CPLX4: variants seen among roughly 807,000 people sequenced by gnomAD.
The protein encoded by CPLX4 is complexin 4, also known as complexin-4.
A neutral mutation model predicts 16.1 loss-of-function variants in CPLX4; 17 were observed. That is an observed-to-expected ratio of 1.06 (90% CI 0.72 to 1.59). CPLX4 has a LOEUF of 1.59. Among genes scored for constraint, CPLX4 ranks in the 40% most tolerant of loss-of-function variants. The pLI is 0.00. For synonymous variants in CPLX4, 55 were observed against 57.8 expected (o/e 0.95, Z 0.22); for missense variants, 193 against 192.9 (o/e 1.00, Z 0.00).
intron 2 of CPLX4, among the ~76,000 whole-genome samples, chr18:59,309,316 C>T (rs2070599479): frequency 6.6e-6 from 1 of 152,164 alleles, no homozygotes; most frequent in Non-Finnish European, 1.5e-5. Context: ...GGGGTCCCCA[C>T]CTGGAAGTAA....
intron 2 of CPLX4, among the ~76,000 whole-genome samples, chr18:59,312,423 T>C (rs921497416): frequency 5.0e-5 from 7 of 139,822 alleles, no homozygotes; most frequent in Non-Finnish European, 9.4e-5. Flanking sequence ...ATATATATCC[T>C]GAATATGTGT....
chr18:59,301,238 G>A (rs1252517600), intron 2 of CPLX4, among the ~76,000 whole-genome samples: 1 of 152,246 alleles, frequency 6.6e-6, no homozygotes, highest in African/African-American at 2.4e-5. Context: ...CTACAAGAGG[G>A]GTGTGGGCTC....
intron 2 of CPLX4, among the ~76,000 whole-genome samples, chr18:59,306,864 CATT>C (rs1377701727): frequency 6.6e-6 from 1 of 152,174 alleles, no homozygotes; most frequent in Non-Finnish European, 1.5e-5. Flanking sequence ...GGTCATCCCT[CATT>C]AGCTGGAGGA....
intron 2 of CPLX4, among the ~76,000 whole-genome samples, chr18:59,310,819 C>G (rs1339530305): frequency 6.6e-6 from 1 of 151,912 alleles, no homozygotes; most frequent in Non-Finnish European, 1.5e-5. Context: ...TTTTAAAAAC[C>G]ATGTGATATT....
At chr18:59,298,209 C>G (rs2070516224) in intron 2 of CPLX4, among the ~76,000 whole-genome samples, 1 of 152,082 alleles carries the variant, frequency 6.6e-6, no homozygotes, top group African/African-American at 2.4e-5. Flanking sequence ...TCCACCTCAG[C>G]CTTCCAAGTA....
In CPLX4 at chr18:59,318,285, C is replaced by G; in HGVS notation, c.167+11G>C. 1 of 1,595,134 alleles carries G rather than the reference C, an allele frequency of 6.3e-7. No homozygotes were observed. The highest frequency in any genetic ancestry group is 8.5e-7 in the Non-Finnish European group (1 of 1,171,030). ...TTGCTTTTTAAGGGAAATGAAATAG[C>G]ATGTACTCACTTCTCCTCAATCATT... On this transcript the variant is annotated intron_variant, in intron 1 of 2. Coordinates refer to ENST00000299721, the MANE Select transcript of CPLX4 (RefSeq NM_181654.4).
intron 1 of CPLX4, among the ~76,000 whole-genome samples, chr18:59,315,150 G>A (rs2070643767): frequency 6.6e-6 from 1 of 152,136 alleles, no homozygotes; most frequent in South Asian, 2.1e-4. Context: ...TGAAACAAGA[G>A]TTCTAGTGGT....
chr18:59,312,638 A>G, intron 2 of CPLX4, 47 bp downstream of exon 2: 1 of 827,426 alleles, frequency 1.2e-6, no homozygotes, highest in Non-Finnish European at 2.1e-6. Flanking sequence ...ATGACTTCCC[A>G]TTTATCATTA....
chr18:59,299,999 C>T (rs940665502), intron 2 of CPLX4, among the ~76,000 whole-genome samples: 2 of 152,304 alleles, frequency 1.3e-5, no homozygotes, highest in Admixed American at 6.5e-5. Flanking sequence ...TGTCTCATAA[C>T]CCAGCAAGGT....
At chr18:59,298,907 A>G (rs1299454210) in intron 2 of CPLX4, among the ~76,000 whole-genome samples, 1 of 152,144 alleles carries the variant, frequency 6.6e-6, no homozygotes, top group Non-Finnish European at 1.5e-5. Flanking sequence ...AGTCTGGCTC[A>G]AGAAATAGCT....
intron 2 of CPLX4, among the ~76,000 whole-genome samples, chr18:59,300,170 A>T (rs940731747): frequency 6.6e-6 from 1 of 152,054 alleles, no homozygotes; most frequent in Non-Finnish European, 1.5e-5. Context: ...CGTCTCTACT[A>T]AAAATGCAAA....
At chr18:59,309,843 GA>G (rs77476914) in intron 2 of CPLX4, among the ~76,000 whole-genome samples, 36,094 of 120,878 alleles carry the variant, frequency 0.3, 5,111 homozygotes, top group Middle Eastern at 0.39. Flanking sequence ...AAAAAAAAAA[GA>G]AAAAGAAAAA....
rs34214777 is a variant in CPLX4, at chr18:59,302,420, GTGAA to G, written c.256-5499_256-5496del. 9.8e-5 allele frequency among the ~76,000 whole-genome samples: 15 copies of G among 152,324 alleles called. No individual in the cohort carries two copies. In the East Asian group the frequency reaches 2.9e-3, roughly 29 times the overall value. ...AAGGCTCAAGGATGAGAACCGTGGCGTGAATGAATGAATGAGTGAGCCAGCACAT... is the reference window on the plus strand; with the variant it reads ...AAGGCTCAAGGATGAGAACCGTGGCGTGAATGAATGAGTGAGCCAGCACAT... On this transcript the variant is annotated intron_variant, in intron 2 of 2. Transcript: ENST00000299721.
At chr18:59,311,591 G>T (rs571238187) in intron 2 of CPLX4, among the ~76,000 whole-genome samples, 12 of 152,112 alleles carry the variant, frequency 7.9e-5, no homozygotes, top group Non-Finnish European at 1.8e-4. Context: ...CCCTTTGGAG[G>T]GATCTTTTAC....
chr18:59,296,405 C>T lies in CPLX4; in HGVS notation c.*293G>A, dbSNP rs928840141. On this transcript the variant is annotated 3_prime_UTR_variant, in exon 3 of 3. Coordinates refer to ENST00000299721, the MANE Select transcript of CPLX4 (RefSeq NM_181654.4). ...AAATGCCCCTTGCTTTTGTTTCTTCCTGGCTCATCTCAAGGTCTTTAAGCA... is the reference window on the plus strand; with the variant it reads ...AAATGCCCCTTGCTTTTGTTTCTTCTTGGCTCATCTCAAGGTCTTTAAGCA... 3 of 394,162 alleles carry T rather than the reference C, an allele frequency of 7.6e-6. No individual in the cohort carries two copies. The Admixed American group carries it at 1.4e-4, about 18-fold the overall frequency. 24.4% of individuals were successfully genotyped at this position (394,162 alleles called of 1,614,324 possible).
chr18:59,309,838 AAAAAGAAAAAG>A (rs2070604581), intron 2 of CPLX4, among the ~76,000 whole-genome samples: 1 of 113,306 alleles, frequency 8.8e-6, no homozygotes, highest in African/African-American at 3.2e-5. Context: ...AAAAAAAAAA[AAAAAGAAAAAG>A]AAAAAAAGAG....
At chr18:59,297,288 T>C (rs1298389418) in intron 2 of CPLX4, among the ~76,000 whole-genome samples, 5 of 151,974 alleles carry the variant, frequency 3.3e-5, no homozygotes, top group Admixed American at 6.6e-5. Context: ...ATTTTTTTTT[T>C]TTTTTTGAGA....
intron 1 of CPLX4, among the ~76,000 whole-genome samples, chr18:59,316,214 T>C (rs2070650088): frequency 1.3e-5 from 2 of 152,222 alleles, no homozygotes; most frequent in Non-Finnish European, 2.9e-5. Flanking sequence ...AGTCTATTTA[T>C]GTTTAGACCT....
chr18:59,306,722 C>T (rs982148391), intron 2 of CPLX4, among the ~76,000 whole-genome samples: 1 of 152,220 alleles, frequency 6.6e-6, no homozygotes, highest in Non-Finnish European at 1.5e-5. Flanking sequence ...GACCTGACAG[C>T]TCCCGGGAAG....
Sources: gnomAD v4.1 joint callset for allele counts (sites outside exome capture counted in the v4.1 genomes callset) on GRCh38, gnomAD v4.1.1 for gene constraint, MANE v1.5 for transcripts, NCBI Gene and HGNC (gene_info 2026-07-23, HGNC 2026-07-21) for gene names.